Variants in LAMA2 observed in about 807,000 individuals in gnomAD.
LAMA2 encodes laminin subunit alpha-2.
Under a neutral mutation model 364.8 loss-of-function variants are expected in LAMA2, and 269 were observed. The observed-to-expected ratio is 0.74, with a 90% confidence interval of 0.67 to 0.82. LAMA2 has a LOEUF of 0.82. Among genes scored for constraint, LAMA2 ranks in the 40% least tolerant of loss-of-function variants. LAMA2 has a pLI of 0.00. For missense variants in LAMA2, 3,807 were observed against 3,873.2 expected, an observed-to-expected ratio of 0.98 and a Z score of 0.45; for synonymous variants, 1,379 against 1,370.6, an observed-to-expected ratio of 1.01 and a Z score of -0.14.
At chr6:129,215,964 GA>G (rs1471220220) in intron 12 of LAMA2, among the ~76,000 whole-genome samples, 12 of 152,126 alleles carry the variant, frequency 7.9e-5, no homozygotes, top group Non-Finnish European at 1.8e-4. Flanking sequence ...ATTAGAAATA[GA>G]ATCAGTAACT....
At chr6:128,962,459 G>C (rs1235321428) in intron 1 of LAMA2, among the ~76,000 whole-genome samples, 1 of 151,920 alleles carries the variant, frequency 6.6e-6, no homozygotes, top group Non-Finnish European at 1.5e-5. Flanking sequence ...TTAGAGGGTA[G>C]CTTAAGAGGT....
chr6:128,906,130 A>G lies in LAMA2; in HGVS notation c.112+22773A>G, dbSNP rs1428233319. 1.0e-2 allele frequency among the ~76,000 whole-genome samples: 1,450 copies of G among 145,410 alleles called. 13 individuals carry two copies. Among genetic ancestry groups the G allele is most frequent in the African/African-American group, 0.036 (1,375 of 38,630 alleles). On this transcript the variant is annotated intron_variant, in intron 1 of 64. Coordinates refer to ENST00000421865, the MANE Select transcript of LAMA2 (RefSeq NM_000426.4). The stretch of plus-strand genomic sequence containing the variant: ...GTGTCTTTATAGCAGCATGATTTAT[A>G]GTCCTTTGGGTATATACCCAGTAAT...
intron 1 of LAMA2, among the ~76,000 whole-genome samples, chr6:128,923,358 A>G (rs1778865912): frequency 6.7e-6 from 1 of 148,670 alleles, no homozygotes; most frequent in African/African-American, 2.5e-5. Context: ...ATGTTCTTCC[A>G]TTTGTTTGTA....
At chr6:128,908,368 G>T (rs536335480) in intron 1 of LAMA2, among the ~76,000 whole-genome samples, 17 of 151,690 alleles carry the variant, frequency 1.1e-4, no homozygotes, top group African/African-American at 4.1e-4. Context: ...TCTTGGGAGA[G>T]TGTATGTGTC....
chr6:128,927,918 C>A, intron 1 of LAMA2, among the ~76,000 whole-genome samples: 1 of 131,854 alleles, frequency 7.6e-6, no homozygotes, highest in East Asian at 1.9e-4. Flanking sequence ...AAGTAATCAG[C>A]ACCATTTGCT....
At chr6:129,498,675 A>AATT (rs1282715857) in intron 58 of LAMA2, among the ~76,000 whole-genome samples, 2 of 152,218 alleles carry the variant, frequency 1.3e-5, no homozygotes, top group Non-Finnish European at 2.9e-5. Context: ...TAGAGAAATT[A>AATT]ATTATTGACT....
chr6:129,383,538 GAAAGTATTT>G (rs1778814601), intron 35 of LAMA2, among the ~76,000 whole-genome samples: 1 of 152,174 alleles, frequency 6.6e-6, no homozygotes, highest in African/African-American at 2.4e-5. Flanking sequence ...GTTTTTATTT[GAAAGTATTT>G]AAAGTATTTT....
chr6:129,275,619 A>G (rs1308314984), intron 17 of LAMA2, among the ~76,000 whole-genome samples: 4 of 152,006 alleles, frequency 2.6e-5, no homozygotes, highest in African/African-American at 9.7e-5. Context: ...CTATGTTAAT[A>G]TAAGGGACTA....
chr6:129,351,849 T>C (rs1330744193), intron 31 of LAMA2, among the ~76,000 whole-genome samples: 2 of 152,192 alleles, frequency 1.3e-5, no homozygotes, highest in African/African-American at 4.8e-5. Context: ...TACTCTTTCA[T>C]TGAAAAAAAT....
At chr6:129,266,929 C>A (rs1583376761) in intron 15 of LAMA2, among the ~76,000 whole-genome samples, 177 bp from the exon 16 acceptor site, 1 of 152,066 alleles carries the variant, frequency 6.6e-6, no homozygotes, top group East Asian at 1.9e-4. Flanking sequence ...AGTGCAAAGC[C>A]CCAGTGTCAG....
At chr6:129,303,231 C>T (rs1421398602) in intron 22 of LAMA2, among the ~76,000 whole-genome samples, 3 of 152,086 alleles carry the variant, frequency 2.0e-5, no homozygotes, top group Non-Finnish European at 4.4e-5. Context: ...TGTTCCATTT[C>T]AGTTTTAAAT....
intron 1 of LAMA2, chr6:128,929,606 G>A (rs1339505605): frequency 1.5e-6 from 2 of 1,352,044 alleles, no homozygotes; most frequent in Non-Finnish European, 2.1e-6. Flanking sequence ...TGCCGCAAAA[G>A]CGCTTCCACG....
intron 1 of LAMA2, among the ~76,000 whole-genome samples, chr6:128,892,349 C>A (rs1361736831): frequency 2.0e-5 from 3 of 151,892 alleles, no homozygotes. Context: ...TTAAAACAGG[C>A]AACATGATGG....
chr6:129,284,125 GA>G (rs1788929949), intron 18 of LAMA2, among the ~76,000 whole-genome samples: 1 of 152,126 alleles, frequency 6.6e-6, no homozygotes, highest in Non-Finnish European at 1.5e-5. Context: ...GGCACCATGT[GA>G]GCAGGGAAAC....
intron 19 of LAMA2, among the ~76,000 whole-genome samples, chr6:129,290,701 T>C (rs1178678528): frequency 6.6e-6 from 1 of 152,170 alleles, no homozygotes; most frequent in Non-Finnish European, 1.5e-5. Context: ...ATTAAAAATA[T>C]AGGGTACATA....
In LAMA2 at chr6:129,121,677, G is replaced by C. The variant is rs537382377; in HGVS notation, c.640-22224G>C. Among the ~76,000 whole-genome samples, 9 of 152,132 alleles carry C rather than the reference G, an allele frequency of 5.9e-5. 1 individual carries two copies. The highest frequency in any genetic ancestry group is 1.9e-4 in the African/African-American group (8 of 41,508). On this transcript the variant is annotated intron_variant, in intron 4 of 64. Coordinates refer to ENST00000421865, the MANE Select transcript of LAMA2 (RefSeq NM_000426.4). ...ATCTTGTTAGTGAATCTCTATATTAGACTTTCTAATACCTTATAAACAGGT... is the reference window on the plus strand; with the variant it reads ...ATCTTGTTAGTGAATCTCTATATTACACTTTCTAATACCTTATAAACAGGT...
intron 56 of LAMA2, chr6:129,490,761 T>G (rs1254807123): frequency 6.6e-6 from 1 of 152,126 alleles, no homozygotes; most frequent in South Asian, 2.1e-4. Flanking sequence ...GCCAACACAT[T>G]TTTCCATAGT....
At chr6:129,173,184 G>A (rs1341151455) in intron 9 of LAMA2, among the ~76,000 whole-genome samples, 1 of 152,186 alleles carries the variant, frequency 6.6e-6, no homozygotes, top group Non-Finnish European at 1.5e-5. Flanking sequence ...ATTGGGCCAT[G>A]TTGGCTCCTC....
intron 43 of LAMA2, among the ~76,000 whole-genome samples, chr6:129,441,495 G>T (rs780541189): frequency 4.0e-4 from 61 of 151,896 alleles, no homozygotes; most frequent in Non-Finnish European, 7.8e-4. Flanking sequence ...ACATTTCTGG[G>T]AAATAAAAAT....
Sources: gnomAD v4.1 joint callset for allele counts (sites outside exome capture counted in the v4.1 genomes callset) on GRCh38, gnomAD v4.1.1 for gene constraint, MANE v1.5 for transcripts, NCBI Gene and HGNC (gene_info 2026-07-23, HGNC 2026-07-21) for gene names.